The following STK4 variants were observed in gnomAD, a reference collection of about 807,000 sequenced individuals.
STK4 encodes the protein serine/threonine kinase 4.
Under a neutral mutation model 64.9 loss-of-function variants are expected in STK4, and 30 were observed. The observed-to-expected ratio is 0.46, with a 90% CI of 0.35 to 0.63. The LOEUF (loss-of-function observed/expected upper bound fraction) is 0.63. Ranked by LOEUF, STK4 falls within the 20% of genes least tolerant of loss-of-function variation. The pLI, the probability that STK4 is intolerant of heterozygous loss-of-function variation, is 0.01. For synonymous variants in STK4, 177 were observed against 199.0 expected (o/e 0.89, Z 0.93); for missense variants, 466 against 598.5 (o/e 0.78, Z 2.31).
At chr20:45,050,434 T>TA in intron 10 of STK4, among the ~76,000 whole-genome samples, 1 of 152,362 alleles carries the variant, frequency 6.6e-6, no homozygotes, top group East Asian at 1.9e-4. Context: ...TTAATATTAA[T>TA]AAATATTGCT....
intron 2 of STK4, among the ~76,000 whole-genome samples, chr20:44,977,931 A>C (rs1025846005): frequency 2.0e-5 from 3 of 152,242 alleles, no homozygotes; most frequent in African/African-American, 7.2e-5. Context: ...TGCCACTTCC[A>C]TATTGTACCC....
intron 10 of STK4, among the ~76,000 whole-genome samples, chr20:45,053,678 T>G (rs933068129): frequency 1.3e-5 from 2 of 152,184 alleles, no homozygotes; most frequent in Non-Finnish European, 2.9e-5. Flanking sequence ...CCATTGTCTC[T>G]CTCAATCATC....
At chr20:44,999,593 TATG>T (rs1158284062) in intron 7 of STK4, among the ~76,000 whole-genome samples, 1 of 152,222 alleles carries the variant, frequency 6.6e-6, no homozygotes, top group Non-Finnish European at 1.5e-5. Context: ...AATAAAAACA[TATG>T]ATGGTATTAA....
chr20:44,971,598 C>T (rs1294033699), intron 1 of STK4, among the ~76,000 whole-genome samples: 2 of 150,618 alleles, frequency 1.3e-5, no homozygotes, highest in East Asian at 3.9e-4. Context: ...TTCATGAAAT[C>T]TCAAGATTTA....
chr20:45,041,274 T>G (rs1201344770), intron 10 of STK4, among the ~76,000 whole-genome samples: 1 of 152,164 alleles, frequency 6.6e-6, no homozygotes, highest in East Asian at 1.9e-4. Flanking sequence ...CCTCCTTTTT[T>G]TAATGTTTGG....
At chr20:45,026,355 T>A (rs1425494982) in intron 10 of STK4, among the ~76,000 whole-genome samples, 1 of 112,562 alleles carries the variant, frequency 8.9e-6, no homozygotes, top group Non-Finnish European at 1.9e-5. Flanking sequence ...GTGTGCATAG[T>A]TTTTTAAAAA....
intron 9 of STK4, among the ~76,000 whole-genome samples, chr20:45,010,553 T>C (rs559042263): frequency 1.3e-5 from 2 of 152,332 alleles, no homozygotes; most frequent in South Asian, 2.1e-4. Context: ...CCCTGTTTAA[T>C]AGCAGTTGAA....
chr20:45,060,317 T>G (rs1488896729), intron 10 of STK4, among the ~76,000 whole-genome samples: 1 of 152,252 alleles, frequency 6.6e-6, no homozygotes, highest in African/African-American at 2.4e-5. Context: ...TTTAACCTAA[T>G]TTGATTAGTT....
chr20:45,029,698 A>G (rs1365209125), intron 10 of STK4, among the ~76,000 whole-genome samples: 1 of 152,220 alleles, frequency 6.6e-6, no homozygotes, highest in Non-Finnish European at 1.5e-5. Flanking sequence ...CCCCAGGCAG[A>G]CTGAATAGGA....
intron 9 of STK4, among the ~76,000 whole-genome samples, chr20:45,015,409 T>C (rs2068123114): frequency 6.6e-6 from 1 of 152,236 alleles, no homozygotes; most frequent in Non-Finnish European, 1.5e-5. Context: ...CATAAAGTAC[T>C]GCAAGTATTT....
At chr20:45,041,444 A>G (rs903165300) in intron 10 of STK4, among the ~76,000 whole-genome samples, 1 of 152,280 alleles carries the variant, frequency 6.6e-6, no homozygotes, top group East Asian at 1.9e-4. Context: ...CCATAGCCAT[A>G]CATAGAGATA....
rs117110973 is a variant in STK4, at chr20:45,061,806, G to T, written c.1306-13212G>T. Among the ~76,000 whole-genome samples, 269 of 142,890 alleles carry T rather than the reference G, an allele frequency of 1.9e-3. 4 individuals carry two copies. In the South Asian group the frequency reaches 0.039, roughly 21 times the overall value. 93.7% of individuals were successfully genotyped at this position (142,890 alleles called of 152,430 possible). ...CTATTGTTCACCTGTATGTACTCAT[G>T]TTTTTGTTGTTTAGATAAGTGAGAA... On this transcript the variant is annotated intron_variant, in intron 10 of 10. Coordinates refer to ENST00000372806, the MANE Select transcript of STK4 (RefSeq NM_006282.5).
At chr20:44,999,486 G>A (rs1207522211) in intron 7 of STK4, among the ~76,000 whole-genome samples, 2 of 152,282 alleles carry the variant, frequency 1.3e-5, no homozygotes, top group South Asian at 2.1e-4. Context: ...GGACAATATT[G>A]GAGTAAGTTT....
At chr20:45,003,712 ATTT>A (rs750273528) in intron 9 of STK4, among the ~76,000 whole-genome samples, 7 of 136,064 alleles carry the variant, frequency 5.1e-5, no homozygotes, top group Non-Finnish European at 4.7e-5. Context: ...ACGTCTCTAA[ATTT>A]TTTTTTTTTT....
At chr20:44,990,528 C>T (rs2067613315) in intron 5 of STK4, among the ~76,000 whole-genome samples, 1 of 152,004 alleles carries the variant, frequency 6.6e-6, no homozygotes, top group Admixed American at 6.6e-5. Context: ...GTTGTGAAAC[C>T]TCCAGTACTA....
At chr20:45,065,693 T>C (rs1374206107) in intron 10 of STK4, among the ~76,000 whole-genome samples, 2 of 152,220 alleles carry the variant, frequency 1.3e-5, no homozygotes, top group Non-Finnish European at 2.9e-5. Context: ...TGTATTTCTG[T>C]GAGGTCAGTG....
At chr20:45,008,135 A>G (rs1427691702) in intron 9 of STK4, among the ~76,000 whole-genome samples, 2 of 152,050 alleles carry the variant, frequency 1.3e-5, no homozygotes, top group African/African-American at 4.8e-5. Context: ...ACTCACTGCA[A>G]CCTCTGCCTC....
At chr20:45,007,879 GT>G (rs1568715843) in intron 9 of STK4, 1 of 321,524 alleles carries the variant, frequency 3.1e-6, no homozygotes, top group Non-Finnish European at 6.2e-6. Flanking sequence ...TCGACCCATG[GT>G]CCCCTTTCTC....
chr20:45,048,670 C>A (rs60661481), intron 10 of STK4, among the ~76,000 whole-genome samples: 4 of 151,910 alleles, frequency 2.6e-5, no homozygotes, highest in African/African-American at 7.3e-5. Flanking sequence ...TTAGTAGAGA[C>A]GGGGTTTCAC....
Sources: gnomAD v4.1 joint callset for allele counts (sites outside exome capture counted in the v4.1 genomes callset) on GRCh38, gnomAD v4.1.1 for gene constraint, MANE v1.5 for transcripts, NCBI Gene and HGNC (gene_info 2026-07-23, HGNC 2026-07-21) for gene names.